The following ALDH1L1 variants were observed in gnomAD, a reference collection of about 807,000 sequenced individuals.
The protein encoded by ALDH1L1 is aldehyde dehydrogenase 1 family member L1, also known as cytosolic 10-formyltetrahydrofolate dehydrogenase.
ALDH1L1 carries 68 observed loss-of-function variants against 101.1 expected under a neutral mutation model. The ratio of observed to expected loss-of-function variants is 0.67; its 90% confidence interval spans 0.55 to 0.82. The LOEUF (loss-of-function observed/expected upper bound fraction) is 0.82. Among genes scored for constraint, ALDH1L1 ranks in the 40% least tolerant of loss-of-function variants. The pLI, the probability that ALDH1L1 is intolerant of heterozygous loss-of-function variation, is 0.00. For missense variants in ALDH1L1, 1,087 were observed against 1,172.7 expected, an observed-to-expected ratio of 0.93 and a Z score of 1.07; for synonymous variants, 486 against 470.8, an observed-to-expected ratio of 1.03 and a Z score of -0.42.
chr3:126,180,671 C>T, upstream of ALDH1L1: 1 of 1,348,680 alleles, frequency 7.4e-7, no homozygotes, highest in Non-Finnish European at 9.6e-7. Context: ...CGAGTGGGGG[C>T]GGCGCTCACC....
chr3:126,135,189 C>T (rs901021270), intron 12 of ALDH1L1: 7 of 219,714 alleles, frequency 3.2e-5, no homozygotes, highest in African/African-American at 1.7e-4. Flanking sequence ...TAAGTCCCCT[C>T]CAGCCCAGGC....
chr3:126,125,938 C>T (rs563331725), intron 14 of ALDH1L1, among the ~76,000 whole-genome samples: 1 of 152,302 alleles, frequency 6.6e-6, no homozygotes, highest in African/African-American at 2.4e-5. Flanking sequence ...CTCTTCCTAG[C>T]AGGGCAGGAT....
At chr3:126,114,505 A>G in intron 18 of ALDH1L1, 52 bp downstream of exon 18, 1 of 1,398,132 alleles carries the variant, frequency 7.2e-7, no homozygotes, top group East Asian at 2.4e-5. Context: ...CCTGGTCCCT[A>G]CAGTCCCTGT....
intron 1 of ALDH1L1, 35 bp from the exon 2 acceptor site, chr3:126,161,037 T>A: frequency 6.2e-7 from 1 of 1,606,800 alleles, no homozygotes; most frequent in Non-Finnish European, 8.5e-7. Flanking sequence ...TAGACAGAGA[T>A]CGCTGGTCTC....
chr3:126,105,490 C>T (rs1197390548), intron 22 of ALDH1L1: 6 of 558,112 alleles, frequency 1.1e-5, no homozygotes, highest in South Asian at 1.9e-5. Context: ...TGCCTCCTGG[C>T]TGGAGTGTCT....
At chr3:126,107,397 G>A (rs549407557) in intron 20 of ALDH1L1, 151 bp from the exon 21 acceptor site, 28 of 636,192 alleles carry the variant, frequency 4.4e-5, no homozygotes, top group South Asian at 4.0e-4. Context: ...GTGTCACCAC[G>A]CTGCAGATGG....
rs1019414212 is a variant in ALDH1L1 at position 126,154,539 on chromosome 3, C to T, written c.720+15G>A. On this transcript the variant is annotated intron_variant, in intron 6 of 22. Coordinates refer to ENST00000393434, the MANE Select transcript of ALDH1L1 (RefSeq NM_012190.4). ...CCAATGCACGTGGCTGGATTCCAGC[C>T]ATGCAGGGACACACCTGTTCACAGG... 6.2e-6 allele frequency: 10 copies of T among 1,613,552 alleles called. No individual in the cohort carries two copies. The highest frequency in any genetic ancestry group is 8.5e-6 in the Non-Finnish European group (10 of 1,179,626).
chr3:126,125,574 TC>T, intron 15 of ALDH1L1, 41 bp downstream of exon 15: 1 of 1,417,994 alleles, frequency 7.1e-7, no homozygotes, highest in Non-Finnish European at 9.4e-7. Flanking sequence ...CCTGATCCTC[TC>T]TGTGGCCTGC....
chr3:126,196,777 G>T (rs1171098782), intron 1 of ALDH1L1, among the ~76,000 whole-genome samples: 1 of 152,178 alleles, frequency 6.6e-6, no homozygotes, highest in South Asian at 2.1e-4. Flanking sequence ...ATCAGGAAGT[G>T]GTAAAAGTCA....
At chr3:126,189,431 T>G (rs986983661) in intron 1 of ALDH1L1, among the ~76,000 whole-genome samples, 1 of 152,200 alleles carries the variant, frequency 6.6e-6, no homozygotes, top group African/African-American at 2.4e-5. Context: ...CCTTAAAGTC[T>G]ACAACAGGTG....
chr3:126,124,110 G>GAC (rs3841921), intron 16 of ALDH1L1, among the ~76,000 whole-genome samples: 3,332 of 148,814 alleles, frequency 0.022, 56 homozygotes, highest in East Asian at 0.11. Flanking sequence ...AGGGCGCGCG[G>GAC]ACACACACAC....
intron 12 of ALDH1L1, among the ~76,000 whole-genome samples, chr3:126,132,949 G>C (rs1203861589): frequency 1.3e-5 from 2 of 152,230 alleles, no homozygotes; most frequent in Non-Finnish European, 2.9e-5. Flanking sequence ...CCTGGGCAAG[G>C]AGAGCCCATG....
At chr3:126,161,723 A>T (rs6438981) in intron 1 of ALDH1L1, among the ~76,000 whole-genome samples, 92,342 of 144,366 alleles carry the variant, frequency 0.64, 28,459 homozygotes, top group Non-Finnish European at 0.67. Flanking sequence ...ATAAGATTTT[A>T]TTTTGGAAAA....
chr3:126,114,892 G>C (rs1402815452), intron 17 of ALDH1L1: 1 of 578,296 alleles, frequency 1.7e-6, no homozygotes, highest in Non-Finnish European at 3.3e-6. Flanking sequence ...TGCCCTTCCT[G>C]CTGCCCACTC....
chr3:126,183,651 C>G (rs184318807), upstream of ALDH1L1, among the ~76,000 whole-genome samples: 1 of 152,314 alleles, frequency 6.6e-6, no homozygotes, highest in Non-Finnish European at 1.5e-5. Context: ...TCCTTGTTCC[C>G]TTTGGAGCAG....
chr3:126,155,097 A>G (rs1290072442), intron 5 of ALDH1L1, among the ~76,000 whole-genome samples: 2 of 152,124 alleles, frequency 1.3e-5, no homozygotes, highest in Non-Finnish European at 2.9e-5. Context: ...GACTGCTCGC[A>G]CTACGGCTGA....
intron 5 of ALDH1L1, 109 bp downstream of exon 5, chr3:126,155,293 G>T: frequency 1.0e-6 from 1 of 961,890 alleles, no homozygotes; most frequent in Non-Finnish European, 1.5e-6. Context: ...TGGCCTCAAA[G>T]AATTACAACC....
At chr3:126,150,576 A>T (rs1309903358) in intron 7 of ALDH1L1, 45 bp from the exon 8 acceptor site, 10 of 1,526,712 alleles carry the variant, frequency 6.6e-6, no homozygotes, top group Non-Finnish European at 7.1e-6. Context: ...TTTTTTTGAG[A>T]CAGAGTCTTG....
At chr3:126,191,162 C>A (rs976735908) in intron 1 of ALDH1L1, among the ~76,000 whole-genome samples, 1 of 152,190 alleles carries the variant, frequency 6.6e-6, no homozygotes, top group African/African-American at 2.4e-5. Flanking sequence ...AGTGCAACAG[C>A]TTAGATGGAG....
Sources: allele counts gnomAD v4.1 joint callset (sites outside exome capture counted in the v4.1 genomes callset), GRCh38; gene constraint gnomAD v4.1.1; transcripts MANE v1.5; gene names NCBI Gene and HGNC (gene_info 2026-07-23, HGNC 2026-07-21).